Variants in SGIP1 observed in about 807,000 individuals in gnomAD.
The protein encoded by SGIP1 is SH3-containing GRB2-like protein 3-interacting protein 1.
Under a neutral mutation model 107.5 loss-of-function variants are expected in SGIP1, and 38 were observed. The observed-to-expected ratio is 0.35, with a 90% confidence interval of 0.27 to 0.46. The LOEUF (loss-of-function observed/expected upper bound fraction) is 0.46. Ranked by LOEUF, SGIP1 falls within the 20% of genes least tolerant of loss-of-function variation. SGIP1 has a pLI of 1.00. For missense variants in SGIP1, 929 were observed against 1,019.5 expected (o/e 0.91, Z 1.21); for synonymous variants, 365 against 366.1 (o/e 1.00, Z 0.03).
chr1:66,639,928 T>C, intron 5 of SGIP1, 95 bp downstream of exon 5: 1 of 948,796 alleles, frequency 1.1e-6, no homozygotes, highest in Non-Finnish European at 1.6e-6. Context: ...ATAAGCGAAA[T>C]GCTCTCCATG....
Position 66,743,096 on chromosome 1 carries a change from T to C in SGIP1, c.*1T>C, listed in dbSNP as rs768868821. The C allele has an allele frequency of 1.2e-6, 2 of 1,613,334 alleles. No homozygotes were observed. The highest frequency in any genetic ancestry group is 1.7e-6 in the Non-Finnish European group (2 of 1,179,642). On this transcript the variant is annotated 3_prime_UTR_variant, in exon 25 of 25. Transcript: ENST00000371037. ...AGGAAAATACTTGGCAGATAACTAA[T>C]GAAATCTTATGCAAGGATTTGGAGG...
intron 1 of SGIP1, among the ~76,000 whole-genome samples, chr1:66,572,352 T>C (rs569488674): frequency 2.0e-5 from 3 of 152,214 alleles, no homozygotes; most frequent in Non-Finnish European, 2.9e-5. Context: ...TAAGATTTAA[T>C]GATTTTTAGC....
chr1:66,680,709 TAA>T, intron 14 of SGIP1, among the ~76,000 whole-genome samples: 1 of 152,338 alleles, frequency 6.6e-6, no homozygotes, highest in Non-Finnish European at 1.5e-5. Flanking sequence ...CACAAGATTA[TAA>T]ATATTGCGGA....
At chr1:66,720,371 G>A (rs1381290813) in intron 19 of SGIP1, among the ~76,000 whole-genome samples, 3 of 152,176 alleles carry the variant, frequency 2.0e-5, no homozygotes, top group African/African-American at 4.8e-5. Context: ...AGTGAGGAAA[G>A]AATTGCTTTT....
At chr1:66,568,888 CA>C (rs1638380413) in intron 1 of SGIP1, among the ~76,000 whole-genome samples, 3 of 151,828 alleles carry the variant, frequency 2.0e-5, no homozygotes, top group South Asian at 2.1e-4. Flanking sequence ...TAATAGTATC[CA>C]AAATTTCTCT....
intron 12 of SGIP1, among the ~76,000 whole-genome samples, chr1:66,675,148 G>A (rs912079992): frequency 4.6e-5 from 7 of 152,150 alleles, no homozygotes; most frequent in East Asian, 1.9e-4. Context: ...ACATCTGCCC[G>A]TTTAAGGAAT....
chr1:66,613,155 C>G (rs1570601215), intron 1 of SGIP1, among the ~76,000 whole-genome samples: 1 of 152,152 alleles, frequency 6.6e-6, no homozygotes, highest in African/African-American at 2.4e-5. Flanking sequence ...TTTAGCTTAT[C>G]ATAGTAAGTA....
intron 1 of SGIP1, among the ~76,000 whole-genome samples, chr1:66,563,713 C>T (rs1394146826): frequency 6.6e-6 from 1 of 151,952 alleles, no homozygotes; most frequent in Admixed American, 6.6e-5. Flanking sequence ...CCCCCCTCCA[C>T]CCAAGTAATT....
At chr1:66,695,552 C>A in intron 18 of SGIP1, 59 bp downstream of exon 18, 1 of 1,537,708 alleles carries the variant, frequency 6.5e-7, no homozygotes, top group Non-Finnish European at 8.9e-7. Flanking sequence ...CTTATTTCCC[C>A]ATTTGCATTT....
intron 19 of SGIP1, among the ~76,000 whole-genome samples, chr1:66,723,479 A>C (rs1339796673): frequency 6.6e-6 from 1 of 152,214 alleles, no homozygotes; most frequent in Non-Finnish European, 1.5e-5. Context: ...TCCCGCTATT[A>C]GTTCCTATTT....
chr1:66,618,747 C>T (rs1002500739), intron 1 of SGIP1, among the ~76,000 whole-genome samples: 4 of 152,224 alleles, frequency 2.6e-5, no homozygotes, highest in African/African-American at 9.6e-5. Flanking sequence ...AGCTGCCTTT[C>T]CCTCACCCCT....
intron 1 of SGIP1, among the ~76,000 whole-genome samples, chr1:66,542,238 T>C (rs540508141): frequency 1.4e-3 from 211 of 152,174 alleles, no homozygotes; most frequent in Middle Eastern, 3.4e-3. Flanking sequence ...AATTTACCTA[T>C]GGTAAAGTTA....
chr1:66,663,232 C>A (rs915932979), intron 8 of SGIP1, among the ~76,000 whole-genome samples: 2 of 152,094 alleles, frequency 1.3e-5, no homozygotes, highest in African/African-American at 4.8e-5. Context: ...ATCCCCCACC[C>A]ACTTTTTACT....
intron 15 of SGIP1, among the ~76,000 whole-genome samples, chr1:66,683,496 G>A (rs1337106455): frequency 1.3e-5 from 2 of 152,074 alleles, no homozygotes; most frequent in Non-Finnish European, 1.5e-5. Context: ...CAAGAAGAGT[G>A]CTAGGAGTTC....
rs2094551416 is a variant in SGIP1 at position 66,746,252 on chromosome 1, A to G, written c.*3157A>G. The G allele has an allele frequency of 6.6e-6, 1 of 152,164 alleles. No individual in the cohort carries two copies. The highest frequency in any genetic ancestry group is 1.5e-5 in the Non-Finnish European group (1 of 67,988). 9.4% of individuals were successfully genotyped at this position (152,164 alleles called of 1,614,324 possible). Reference sequence around the variant, plus strand: ...CCCTTTTCAGTTTCTCATCTTTAGAATGGGGAGTTGGGATTGCCAGTGGTT... The same window carrying G: ...CCCTTTTCAGTTTCTCATCTTTAGAGTGGGGAGTTGGGATTGCCAGTGGTT... On this transcript the variant is annotated 3_prime_UTR_variant, in exon 25 of 25. Transcript: ENST00000371037.
chr1:66,620,197 G>A (rs1221159161), intron 1 of SGIP1, among the ~76,000 whole-genome samples: 3 of 152,164 alleles, frequency 2.0e-5, no homozygotes, highest in African/African-American at 7.2e-5. Context: ...TTAAAGCCAG[G>A]AAATTCTAAG....
chr1:66,695,587 T>A, intron 18 of SGIP1, 94 bp downstream of exon 18: 1 of 1,237,050 alleles, frequency 8.1e-7, no homozygotes, highest in Non-Finnish European at 1.1e-6. Flanking sequence ...TCTTCAAAAG[T>A]TCTGGTCTCA....
chr1:66,729,474 A>G (rs1386779487), intron 20 of SGIP1, 55 bp downstream of exon 20: 13 of 1,602,594 alleles, frequency 8.1e-6, no homozygotes, highest in East Asian at 6.7e-5. Flanking sequence ...AGTACTTTGT[A>G]CTTAGATGAG....
chr1:66,663,081 T>C (rs909222525), intron 8 of SGIP1, among the ~76,000 whole-genome samples: 1 of 150,024 alleles, frequency 6.7e-6, no homozygotes, highest in Non-Finnish European at 1.5e-5. Context: ...AAAAAAAAAA[T>C]CTGGATGCTC....
Sources: gnomAD v4.1 joint callset for allele counts (sites outside exome capture counted in the v4.1 genomes callset) on GRCh38, gnomAD v4.1.1 for gene constraint, MANE v1.5 for transcripts, NCBI Gene and HGNC (gene_info 2026-07-23, HGNC 2026-07-21) for gene names.